SEMA3A: variants seen among roughly 807,000 people sequenced by gnomAD.
The protein encoded by SEMA3A is semaphorin 3A, also known as semaphorin-3A.
Under a neutral mutation model 97.9 loss-of-function variants are expected in SEMA3A, and 29 were observed. The ratio of observed to expected loss-of-function variants is 0.30; its 90% confidence interval spans 0.22 to 0.40. The LOEUF is 0.40. Among genes scored for constraint, SEMA3A ranks in the 10% least tolerant of loss-of-function variants. SEMA3A has a pLI of 1.00. For missense variants in SEMA3A, 763 were observed against 951.3 expected (o/e 0.80, Z 2.60); for synonymous variants, 321 against 323.7 (o/e 0.99, Z 0.09).
At position 84,075,458 on chromosome 7, in the gene SEMA3A, CTTT is replaced by C. The variant is rs35489504; in HGVS notation, c.454-14903_454-14901del. Among the ~76,000 whole-genome samples the C allele has an allele frequency of 1.5e-3, 173 of 119,258 alleles. No individual in the cohort carries two copies. The East Asian group carries it at 0.016, about 11-fold the overall frequency. 78.2% of individuals were successfully genotyped at this position (119,258 alleles called of 152,430 possible). On this transcript the variant is annotated intron_variant, in intron 4 of 16. Transcript: ENST00000265362. ...ACAGGCATAAGCCACTGCACCTGGT[CTTT>C]TTTTTTTTTTTTTTTGAGACAGAGT... is the stretch of plus-strand genomic sequence containing the variant.
intron 3 of SEMA3A, among the ~76,000 whole-genome samples, chr7:84,126,026 T>C (rs938141047): frequency 2.6e-5 from 4 of 152,176 alleles, no homozygotes; most frequent in Non-Finnish European, 2.9e-5. Context: ...TTAAGGAGTG[T>C]TGAATTAATT....
At chr7:84,081,172 A>G (rs1483061831) in intron 4 of SEMA3A, among the ~76,000 whole-genome samples, 1 of 152,148 alleles carries the variant, frequency 6.6e-6, no homozygotes, top group African/African-American at 2.4e-5. Context: ...ATATAGATCC[A>G]TATTTAGAAG....
intron 12 of SEMA3A, among the ~76,000 whole-genome samples, chr7:83,992,758 A>G (rs564934511): frequency 6.6e-6 from 1 of 152,092 alleles, no homozygotes; most frequent in South Asian, 2.1e-4. Flanking sequence ...CAATTTTGGA[A>G]TAGATGTGGT....
At chr7:84,303,196 C>A (rs1024083934) in intron 3 of SEMA3A, among the ~76,000 whole-genome samples, 11 of 152,046 alleles carry the variant, frequency 7.2e-5, no homozygotes, top group Non-Finnish European at 1.2e-4. Flanking sequence ...CAAAACCAAG[C>A]CTCTAAGCAC....
intron 3 of SEMA3A, among the ~76,000 whole-genome samples, chr7:84,219,378 A>T (rs376877557): frequency 6.6e-6 from 1 of 152,060 alleles, no homozygotes; most frequent in South Asian, 2.1e-4. Flanking sequence ...AGATCTTATT[A>T]AGGCTTTCGG....
At chr7:84,383,019 C>A (rs1584279578) in intron 1 of SEMA3A, among the ~76,000 whole-genome samples, 1 of 147,238 alleles carries the variant, frequency 6.8e-6, no homozygotes, top group South Asian at 2.2e-4. Context: ...GTAAAGGTAA[C>A]TGGAATCACT....
chr7:84,008,985 T>C (rs1790776345), intron 9 of SEMA3A, among the ~76,000 whole-genome samples: 1 of 152,096 alleles, frequency 6.6e-6, no homozygotes, highest in Non-Finnish European at 1.5e-5. Flanking sequence ...ACTTAAGGAG[T>C]ATGATAGGTA....
chr7:84,035,648 G>A (rs954132842), intron 6 of SEMA3A, among the ~76,000 whole-genome samples: 1 of 151,918 alleles, frequency 6.6e-6, no homozygotes, highest in Admixed American at 6.6e-5. Context: ...CATTTTTCGT[G>A]TGGCTTTTAA....
chr7:84,025,973 G>T (rs989781904), intron 6 of SEMA3A, among the ~76,000 whole-genome samples: 1 of 152,148 alleles, frequency 6.6e-6, no homozygotes, highest in Non-Finnish European at 1.5e-5. Flanking sequence ...TTGGTTATTT[G>T]ATTTACTATT....
In SEMA3A at chr7:84,479,488, C is replaced by T. The variant is rs563102743; in HGVS notation, c.-246+12972G>A. 3.3e-5 allele frequency among the ~76,000 whole-genome samples: 5 copies of T among 152,050 alleles called. No homozygotes were observed. The South Asian group carries it at 1.0e-3, about 32-fold the overall frequency. ...CACACAAAAATGTAGACATCATGGCCCCTGTGTTAAAAATGCTTAGTATCT... is the reference window on the plus strand; with the variant it reads ...CACACAAAAATGTAGACATCATGGCTCCTGTGTTAAAAATGCTTAGTATCT... On this transcript the variant is annotated intron_variant, in intron 1 of 3. Coordinates refer to the SEMA3A transcript ENST00000424555.
chr7:84,358,522 C>T (rs1462440414), intron 2 of SEMA3A, among the ~76,000 whole-genome samples: 1 of 152,252 alleles, frequency 6.6e-6, no homozygotes, highest in African/African-American at 2.4e-5. Flanking sequence ...CAGTACCATG[C>T]TGTTTTGGTT....
chr7:83,983,348 T>C (rs1030712076), intron 13 of SEMA3A, among the ~76,000 whole-genome samples: 10 of 152,076 alleles, frequency 6.6e-5, no homozygotes, highest in Admixed American at 2.0e-4. Context: ...AATCCATACA[T>C]TGTGTTTGCA....
intron 3 of SEMA3A, among the ~76,000 whole-genome samples, chr7:84,300,254 AT>A (rs925732682): frequency 5.3e-4 from 80 of 151,964 alleles, no homozygotes; most frequent in African/African-American, 1.9e-3. Flanking sequence ...ATATGCATAT[AT>A]TTCATATATA....
chr7:84,472,810 T>C (rs947894522), intron 1 of SEMA3A, among the ~76,000 whole-genome samples: 1 of 152,160 alleles, frequency 6.6e-6, no homozygotes, highest in Non-Finnish European at 1.5e-5. Context: ...CAATAGCTTA[T>C]GTTAAGGAAA....
chr7:84,014,667 A>G, intron 6 of SEMA3A, among the ~76,000 whole-genome samples: 1 of 152,194 alleles, frequency 6.6e-6, no homozygotes, highest in East Asian at 1.9e-4. Flanking sequence ...TATAAGTACT[A>G]TCAAATATTA....
Position 83,957,458 on chromosome 7 carries a change from ATCT to A in SEMA3A, c.*3910_*3912del, listed in dbSNP as rs1380822030. On this transcript the variant is annotated 3_prime_UTR_variant, in exon 17 of 17. Transcript: ENST00000265362. ...GAGGCCCAGTTTTTTAATATTCAAA[ATCT>A]TCTTTTTGTTTGGTTTGGTTCCAGC... The A allele has an allele frequency of 1.3e-5, 2 of 151,998 alleles. No individual in the cohort carries two copies. The highest frequency in any genetic ancestry group is 2.4e-5 in the African/African-American group (1 of 41,418). 9.4% of individuals were successfully genotyped at this position (151,998 alleles called of 1,614,324 possible). A position where few individuals can be genotyped will look rare whatever the true frequency, so the allele number is the denominator to read the frequency against.
chr7:84,303,206 C>G (rs895587974), intron 3 of SEMA3A, among the ~76,000 whole-genome samples: 1 of 152,186 alleles, frequency 6.6e-6, no homozygotes, highest in East Asian at 1.9e-4. Flanking sequence ...CCTCTAAGCA[C>G]TCTTTATGAC....
In SEMA3A at chr7:84,185,694, A is replaced by G. The variant is rs1259589952; in HGVS notation, c.112+8781T>C. Among the ~76,000 whole-genome samples, 28 of 30,458 alleles carry G rather than the reference A, an allele frequency of 9.2e-4. 1 individual carries two copies. Among genetic ancestry groups the G allele is most frequent in the African/African-American group, 2.5e-3 (27 of 10,820 alleles). The allele number at this position is 30,458 out of a possible 152,430, so 20.0% of individuals were successfully genotyped here. A position where few individuals can be genotyped will look rare whatever the true frequency, so the allele number is the denominator to read the frequency against. On this transcript the variant is annotated intron_variant, in intron 1 of 16. Coordinates refer to ENST00000265362, the MANE Select transcript of SEMA3A (RefSeq NM_006080.3). ...TGACAAGAGAGAAACTCTGGCAGGA[A>G]AAAAAAAAAAAAAAAAAAAGGAAAG...
intron 1 of SEMA3A, among the ~76,000 whole-genome samples, chr7:84,477,112 T>C (rs1806310474): frequency 6.7e-6 from 1 of 149,122 alleles, no homozygotes; most frequent in Admixed American, 6.7e-5. Flanking sequence ...AAAAATCCTT[T>C]ATATGTTTAC....
Sources: gnomAD v4.1 joint callset for allele counts (sites outside exome capture counted in the v4.1 genomes callset) on GRCh38, gnomAD v4.1.1 for gene constraint, MANE v1.5 for transcripts, NCBI Gene and HGNC (gene_info 2026-07-23, HGNC 2026-07-21) for gene names.